SEMA5A: variants seen among roughly 807,000 people sequenced by gnomAD.
SEMA5A encodes semaphorin-5A.
SEMA5A carries 55 observed loss-of-function variants against 135.5 expected under a neutral mutation model. The ratio of observed to expected loss-of-function variants is 0.41; its 90% CI spans 0.33 to 0.51. SEMA5A has a LOEUF of 0.51. Ranked by LOEUF, SEMA5A falls within the 20% of genes least tolerant of loss-of-function variation. SEMA5A has a pLI of 0.37. For missense variants in SEMA5A, 1,290 were observed against 1,419.9 expected, an observed-to-expected ratio of 0.91 and a Z score of 1.47; for synonymous variants, 580 against 546.5, an observed-to-expected ratio of 1.06 and a Z score of -0.85.
At chr5:9,544,793 C>T (rs184585177) in intron 1 of SEMA5A, among the ~76,000 whole-genome samples, 6 of 152,340 alleles carry the variant, frequency 3.9e-5, no homozygotes, top group Admixed American at 3.3e-4. Context: ...GTGACCGCTC[C>T]AAGCCAGGCA....
intron 1 of SEMA5A, among the ~76,000 whole-genome samples, chr5:9,439,058 G>A (rs1351272688): frequency 6.6e-6 from 1 of 152,134 alleles, no homozygotes; most frequent in Non-Finnish European, 1.5e-5. Flanking sequence ...AACACACTGG[G>A]ACATGCCTGC....
At chr5:9,485,315 G>A (rs967677171) in intron 1 of SEMA5A, among the ~76,000 whole-genome samples, 12 of 151,974 alleles carry the variant, frequency 7.9e-5, no homozygotes, top group African/African-American at 2.9e-4. Flanking sequence ...CAGAAGACAA[G>A]GAGAAGGTGT....
chr5:9,348,644 T>G (rs1262534458), intron 3 of SEMA5A, among the ~76,000 whole-genome samples: 1 of 152,198 alleles, frequency 6.6e-6, no homozygotes, highest in Admixed American at 6.5e-5. Context: ...AAAAGTAATT[T>G]CCCTTAGATT....
At chr5:9,291,127 G>A (rs1751053943) in intron 5 of SEMA5A, among the ~76,000 whole-genome samples, 5 of 152,126 alleles carry the variant, frequency 3.3e-5, no homozygotes, top group Non-Finnish European at 1.5e-5. Flanking sequence ...ATTGACTCTA[G>A]ACTACCTGCT....
intron 16 of SEMA5A, among the ~76,000 whole-genome samples, chr5:9,101,645 T>C (rs533175666): frequency 1.3e-5 from 2 of 152,330 alleles, no homozygotes; most frequent in African/African-American, 4.8e-5. Context: ...TCATGAGCAA[T>C]GGATAAACTT....
At position 9,437,797 on chromosome 5, in the gene SEMA5A, A is replaced by G. The variant is rs1561252843; in HGVS notation, c.-119T>C. The G allele has an allele frequency of 6.6e-6, 1 of 152,510 alleles. No individual in the cohort carries two copies. Among genetic ancestry groups the G allele is most frequent in the Non-Finnish European group, 1.5e-5 (1 of 68,038 alleles). 9.4% of individuals were successfully genotyped at this position (152,510 alleles called of 1,614,324 possible). ...GGAGGACGCGTTTCCTCAATCATGA[A>G]TCACACTGACTCCACAGCCACGTGG... On this transcript the variant is annotated 5_prime_UTR_variant, in exon 2 of 23. Coordinates refer to ENST00000382496, the MANE Select transcript of SEMA5A (RefSeq NM_003966.3).
In SEMA5A at chr5:9,163,264, T is replaced by TA. The variant is rs3839317; in HGVS notation, c.1274-8570dup. ...AAAAACCTTCTATTGCTGTTTCATT[T>TA]AAAAAAAAAAAGAATTTAGATGACA... On this transcript the variant is annotated intron_variant, in intron 11 of 22. Transcript: ENST00000382496. Among the ~76,000 whole-genome samples the TA allele has an allele frequency of 1.9e-3, 276 of 146,942 alleles. 2 individuals carry two copies. The highest frequency in any genetic ancestry group is 0.018 in the Middle Eastern group (5 of 284).
At chr5:9,052,547 A>T (rs537351938) in intron 19 of SEMA5A, among the ~76,000 whole-genome samples, 30 of 152,330 alleles carry the variant, frequency 2.0e-4, no homozygotes, top group African/African-American at 7.2e-4. Context: ...CTACACAATT[A>T]CTTTCTTTTC....
chr5:9,069,873 G>A (rs1002842692), intron 16 of SEMA5A, among the ~76,000 whole-genome samples: 4 of 152,114 alleles, frequency 2.6e-5, no homozygotes, highest in African/African-American at 7.2e-5. Context: ...CAGGCACAAC[G>A]CGTGTGTGAT....
intron 11 of SEMA5A, among the ~76,000 whole-genome samples, chr5:9,172,207 TG>T (rs1364815136): frequency 6.6e-6 from 1 of 152,144 alleles, no homozygotes; most frequent in African/African-American, 2.4e-5. Flanking sequence ...ATCCAATCCG[TG>T]CACAGAGAAA....
chr5:9,510,528 T>G (rs767754790), intron 1 of SEMA5A, among the ~76,000 whole-genome samples: 1 of 152,210 alleles, frequency 6.6e-6, no homozygotes, highest in Non-Finnish European at 1.5e-5. Flanking sequence ...AAAGATATTT[T>G]ACATTGTACT....
rs567271616 is a variant in SEMA5A, at chr5:9,484,889, C to T, written c.-174-47037G>A. On this transcript the variant is annotated intron_variant, in intron 1 of 22. Coordinates refer to ENST00000382496, the MANE Select transcript of SEMA5A (RefSeq NM_003966.3). ...CATTACACAAGTGCCCCAGAGTCAGCGTAGTATCTATCCAACAGACACCCA... is the reference window on the plus strand; with the variant it reads ...CATTACACAAGTGCCCCAGAGTCAGTGTAGTATCTATCCAACAGACACCCA... Among the ~76,000 whole-genome samples, 4 of 152,064 alleles carry T rather than the reference C, an allele frequency of 2.6e-5. No individual in the cohort carries two copies. In the South Asian group the frequency reaches 6.2e-4, roughly 24 times the overall value.
At position 9,299,347 on chromosome 5, in the gene SEMA5A, T is replaced by C. The variant is rs188151359; in HGVS notation, c.270+19025A>G. ...GTGGATGGAGAGTATAGACAGAAGATGTTCAGTGTCGAGCAAAAGAAATAG... is the reference window on the plus strand; with the variant it reads ...GTGGATGGAGAGTATAGACAGAAGACGTTCAGTGTCGAGCAAAAGAAATAG... On this transcript the variant is annotated intron_variant, in intron 5 of 22. Coordinates refer to ENST00000382496, the MANE Select transcript of SEMA5A (RefSeq NM_003966.3). 1.7e-4 allele frequency among the ~76,000 whole-genome samples: 26 copies of C among 152,212 alleles called. No individual in the cohort carries two copies. In the East Asian group the frequency reaches 5.0e-3, roughly 29 times the overall value.
chr5:9,392,474 G>C (rs918557310), intron 2 of SEMA5A, among the ~76,000 whole-genome samples: 2 of 152,118 alleles, frequency 1.3e-5, no homozygotes, highest in Non-Finnish European at 2.9e-5. Context: ...GTAAATTGAG[G>C]GGGGGAAGCT....
intron 5 of SEMA5A, among the ~76,000 whole-genome samples, chr5:9,317,259 C>G (rs866530461): frequency 3.3e-5 from 5 of 152,038 alleles, no homozygotes; most frequent in Non-Finnish European, 7.4e-5. Context: ...ATTATCATCA[C>G]TTTAAAAAAT....
chr5:9,183,172 G>C (rs1243568730), intron 11 of SEMA5A, among the ~76,000 whole-genome samples: 3 of 152,128 alleles, frequency 2.0e-5, no homozygotes, highest in Non-Finnish European at 2.9e-5. Flanking sequence ...GCAGGAAGTG[G>C]TGCTATATGA....
At chr5:9,176,121 A>T (rs1446532939) in intron 11 of SEMA5A, among the ~76,000 whole-genome samples, 1 of 152,228 alleles carries the variant, frequency 6.6e-6, no homozygotes, top group Non-Finnish European at 1.5e-5. Flanking sequence ...TTTCAAGTTA[A>T]TCAAAAGCTG....
intron 5 of SEMA5A, among the ~76,000 whole-genome samples, chr5:9,245,989 G>C (rs1427887657): frequency 1.5e-5 from 2 of 130,078 alleles, no homozygotes; most frequent in South Asian, 2.2e-4. Context: ...AAGAACATTA[G>C]AGAGAGAGAA....
At chr5:9,453,987 G>C (rs954197805) in intron 1 of SEMA5A, among the ~76,000 whole-genome samples, 11 of 152,194 alleles carry the variant, frequency 7.2e-5, no homozygotes, top group African/African-American at 2.7e-4. Flanking sequence ...ACTCCTGAAA[G>C]CAAAGTACTA....
Sources: allele counts gnomAD v4.1 joint callset (sites outside exome capture counted in the v4.1 genomes callset), GRCh38; gene constraint gnomAD v4.1.1; transcripts MANE v1.5; gene names NCBI Gene and HGNC (gene_info 2026-07-23, HGNC 2026-07-21).